Variants in LARGE1 observed in about 807,000 individuals in gnomAD.
LARGE1 encodes the protein xylosyl- and glucuronyltransferase LARGE1.
Under a neutral mutation model 87.6 loss-of-function variants are expected in LARGE1, and 43 were observed. The ratio of observed to expected loss-of-function variants is 0.49; its 90% CI spans 0.38 to 0.63. The LOEUF (loss-of-function observed/expected upper bound fraction) is 0.63, where lower values mean the gene tolerates loss of function less well. Among genes scored for constraint, LARGE1 ranks in the 30% least tolerant of loss-of-function variants. LARGE1 has a pLI of 0.00. For missense variants in LARGE1, 802 were observed against 1,000.2 expected (o/e 0.80, Z 2.67); for synonymous variants, 434 against 394.6 (o/e 1.10, Z -1.18).
chr22:33,307,094 T>G (rs932757436), intron 11 of LARGE1, among the ~76,000 whole-genome samples: 1 of 152,182 alleles, frequency 6.6e-6, no homozygotes, highest in Non-Finnish European at 1.5e-5. Context: ...CCTGAACAAC[T>G]GTGACAAACT....
chr22:33,180,954 C>T (rs190777977), intron 11 of LARGE1, among the ~76,000 whole-genome samples: 10 of 152,252 alleles, frequency 6.6e-5, no homozygotes, highest in East Asian at 1.9e-4. Context: ...CCAGTGGGTA[C>T]GGAATCCTTT....
In LARGE1 at chr22:33,599,180, T is replaced by C. The variant is rs2079052805; in HGVS notation, c.615+5255A>G. Among the ~76,000 whole-genome samples, 2 of 152,162 alleles carry C rather than the reference T, an allele frequency of 1.3e-5. 1 individual carries two copies. The highest frequency in any genetic ancestry group is 4.1e-4 in the South Asian group (2 of 4,830). ...AATCCTCTATCTCATACCATTTCTT[T>C]TGGGAAGGGAAAAGTCAAATATCAG... On this transcript the variant is annotated intron_variant, in intron 5 of 14. Transcript: ENST00000397394.
the LARGE1 span, among the ~76,000 whole-genome samples, chr22:33,129,484 G>A: frequency 6.6e-6 from 1 of 152,048 alleles, no homozygotes; most frequent in Non-Finnish European, 1.5e-5. Flanking sequence ...CACTGTATTA[G>A]AGTAATGTAA....
At chr22:33,333,947 T>C (rs146956998) in intron 10 of LARGE1, among the ~76,000 whole-genome samples, 1,711 of 150,396 alleles carry the variant, frequency 0.011, 38 homozygotes, top group African/African-American at 0.038. Context: ...AGCGAAAACC[T>C]GTCTCTACTA....
intron 1 of LARGE1, among the ~76,000 whole-genome samples, chr22:33,812,517 G>C (rs1290125236): frequency 6.6e-6 from 1 of 152,208 alleles, no homozygotes; most frequent in East Asian, 1.9e-4. Flanking sequence ...CTCCTGCTGT[G>C]CATTTTCCAG....
At chr22:33,617,505 A>C (rs2079614402) in intron 4 of LARGE1, among the ~76,000 whole-genome samples, 1 of 152,244 alleles carries the variant, frequency 6.6e-6, no homozygotes. Context: ...TTTTCTCAAT[A>C]TATGATTCAA....
At chr22:33,563,053 A>G (rs2077908100) in intron 6 of LARGE1, 1 of 152,564 alleles carries the variant, frequency 6.6e-6, no homozygotes, top group African/African-American at 2.4e-5. Context: ...GCAGGACCTC[A>G]TGTTCATCAG....
the LARGE1 span, among the ~76,000 whole-genome samples, chr22:33,068,367 C>T: frequency 1.1e-4 from 17 of 152,196 alleles, no homozygotes; most frequent in African/African-American, 2.2e-4. Context: ...GAGTTGGGGC[C>T]GGGCACGGTG....
At position 33,724,610 on chromosome 22, in the gene LARGE1, C is replaced by T. The variant is rs187617451; in HGVS notation, c.106+36761G>A. Among the ~76,000 whole-genome samples the T allele has an allele frequency of 2.4e-4, 36 of 152,326 alleles. 1 individual carries two copies. The highest frequency in any genetic ancestry group is 1.2e-3 in the Admixed American group (19 of 15,302). ...CCAGCCATGCCCACAGGCTATGGTACGGGAGACCCATTCCTCCCAGAAAAT... is the reference window on the plus strand; with the variant it reads ...CCAGCCATGCCCACAGGCTATGGTATGGGAGACCCATTCCTCCCAGAAAAT... On this transcript the variant is annotated intron_variant, in intron 2 of 14. Transcript: ENST00000397394.
chr22:33,563,390 C>G (rs73882260), intron 6 of LARGE1: 1 of 151,956 alleles, frequency 6.6e-6, no homozygotes, highest in Non-Finnish European at 1.5e-5. Flanking sequence ...TTGCAGAGCC[C>G]GTCACACTGC....
At chr22:33,449,121 T>C (rs1351006239) in intron 6 of LARGE1, among the ~76,000 whole-genome samples, 8 of 152,348 alleles carry the variant, frequency 5.3e-5, no homozygotes, top group African/African-American at 1.9e-4. Context: ...TTTCCAAGTA[T>C]GGATATACCA....
At chr22:33,171,331 C>T (rs1048349476) in intron 11 of LARGE1, among the ~76,000 whole-genome samples, 1 of 152,172 alleles carries the variant, frequency 6.6e-6, no homozygotes, top group South Asian at 2.1e-4. Context: ...AAGACAAAAA[C>T]CCATTTTCTG....
intron 12 of LARGE1, among the ~76,000 whole-genome samples, chr22:33,287,544 T>C (rs1050837777): frequency 2.0e-5 from 3 of 152,240 alleles, no homozygotes; most frequent in Admixed American, 1.3e-4. Flanking sequence ...CAAGGCTTCA[T>C]GGTACAAACT....
chr22:33,342,345 A>G (rs1939248999), intron 9 of LARGE1, among the ~76,000 whole-genome samples: 1 of 152,158 alleles, frequency 6.6e-6, no homozygotes, highest in Admixed American at 6.5e-5. Context: ...CCCGCAAACA[A>G]AGCTTAATGG....
chr22:33,545,449 C>CACACACACACACACACACAA lies in LARGE1; in HGVS notation c.787+19398_787+19399insTTGTGTGTGTGTGTGTGTGT, dbSNP rs1173952096. ...ACACACACACACACACACACACACA[C>CACACACACACACACACACAA]AATTTCTTCTGAGTTGGAGTCTCGC... On this transcript the variant is annotated intron_variant, in intron 6 of 14. Coordinates refer to ENST00000397394, the MANE Select transcript of LARGE1 (RefSeq NM_133642.5). Among the ~76,000 whole-genome samples the CACACACACACACACACACAA allele has an allele frequency of 1.6e-4, 22 of 138,588 alleles. 2 individuals carry two copies. Among genetic ancestry groups the CACACACACACACACACACAA allele is most frequent in the Admixed American group, 1.5e-3 (20 of 13,496 alleles). 90.9% of individuals were successfully genotyped at this position (138,588 alleles called of 152,430 possible).
chr22:33,559,779 T>A (rs1388851193), intron 6 of LARGE1, among the ~76,000 whole-genome samples: 1 of 152,042 alleles, frequency 6.6e-6, no homozygotes, highest in Non-Finnish European at 1.5e-5. Context: ...TACAGCTACT[T>A]AAAGATGATG....
At chr22:33,365,448 G>A (rs915241405) in intron 9 of LARGE1, among the ~76,000 whole-genome samples, 3 of 152,094 alleles carry the variant, frequency 2.0e-5, no homozygotes, top group East Asian at 1.9e-4. Context: ...GATGAACAGC[G>A]AGGCTATATA....
intron 7 of LARGE1, among the ~76,000 whole-genome samples, chr22:33,394,081 CAAAAAA>C (rs66531142): frequency 1.0e-4 from 11 of 109,980 alleles, no homozygotes; most frequent in South Asian, 2.6e-4. Flanking sequence ...GTGCAACTGC[CAAAAAA>C]AAAAAAAAAA....
At chr22:33,376,810 T>C (rs539007409) in intron 9 of LARGE1, among the ~76,000 whole-genome samples, 1 of 152,368 alleles carries the variant, frequency 6.6e-6, no homozygotes, top group African/African-American at 2.4e-5. Context: ...AGTATAATGC[T>C]AACCCAGCAC....
Sources: allele counts gnomAD v4.1 joint callset (sites outside exome capture counted in the v4.1 genomes callset), GRCh38; gene constraint gnomAD v4.1.1; transcripts MANE v1.5; gene names NCBI Gene and HGNC (gene_info 2026-07-23, HGNC 2026-07-21).